Variants in CBL observed in about 807,000 individuals in gnomAD.
CBL encodes the protein E3 ubiquitin-protein ligase CBL.
Under a neutral mutation model 96.9 loss-of-function variants are expected in CBL, and 45 were observed. That is an observed-to-expected ratio of 0.46 (90% confidence interval 0.37 to 0.60). The LOEUF is 0.60. Among genes scored for constraint, CBL ranks in the 20% least tolerant of loss-of-function variants. The pLI, the probability that CBL is intolerant of heterozygous loss-of-function variation, is 0.00. For synonymous variants in CBL, 420 were observed against 426.8 expected, an observed-to-expected ratio of 0.98 and a Z score of 0.20; for missense variants, 1,024 against 1,143.5, an observed-to-expected ratio of 0.90 and a Z score of 1.51.
chr11:119,297,100 C>CAACTTTAACATTTATTAGTGATA, intron 13 of CBL, 66 bp downstream of exon 13: 1 of 856,040 alleles, frequency 1.2e-6, no homozygotes, highest in Non-Finnish European at 2.0e-6. Context: ...CCTTCACCTG[C>CAACTTTAACATTTATTAGTGATA]TTGGCTTGCT....
intron 2 of CBL, among the ~76,000 whole-genome samples, chr11:119,235,767 T>C (rs918248573): frequency 5.3e-5 from 8 of 152,228 alleles, no homozygotes; most frequent in African/African-American, 1.9e-4. Flanking sequence ...TCAGTACATG[T>C]TGACAAGTTC....
intron 2 of CBL, among the ~76,000 whole-genome samples, chr11:119,240,081 C>T (rs1434887102): frequency 6.6e-6 from 1 of 152,014 alleles, no homozygotes; most frequent in African/African-American, 2.4e-5. Context: ...CACTTGAGGT[C>T]AGGAGTTGGA....
chr11:119,272,590 T>C (rs1226768936), intron 3 of CBL, among the ~76,000 whole-genome samples: 1 of 152,226 alleles, frequency 6.6e-6, no homozygotes, highest in Non-Finnish European at 1.5e-5. Flanking sequence ...GTCCAATTTC[T>C]TTCCAAAATG....
chr11:119,211,089 A>G (rs1270514637), intron 1 of CBL, among the ~76,000 whole-genome samples: 1 of 152,166 alleles, frequency 6.6e-6, no homozygotes, highest in African/African-American at 2.4e-5. Flanking sequence ...ATCTTATTGT[A>G]GGCTGGGCGC....
At chr11:119,243,707 A>G (rs1196839080) in intron 2 of CBL, among the ~76,000 whole-genome samples, 1 of 152,100 alleles carries the variant, frequency 6.6e-6, no homozygotes, top group Non-Finnish European at 1.5e-5. Context: ...ATTTTCTACA[A>G]TGAATATGCA....
intron 2 of CBL, among the ~76,000 whole-genome samples, chr11:119,237,698 G>T (rs562158543): frequency 3.9e-5 from 6 of 152,296 alleles, no homozygotes; most frequent in East Asian, 1.9e-4. Flanking sequence ...GACCATAAGT[G>T]TAAGGGTTTA....
chr11:119,238,658 C>A (rs553558006), intron 2 of CBL, among the ~76,000 whole-genome samples: 1 of 152,022 alleles, frequency 6.6e-6, no homozygotes, highest in Non-Finnish European at 1.5e-5. Flanking sequence ...GGTGAAATCC[C>A]GTCTCTACTA....
At chr11:119,210,208 C>T (rs764250548) in intron 1 of CBL, among the ~76,000 whole-genome samples, 14 of 151,808 alleles carry the variant, frequency 9.2e-5, no homozygotes, top group Non-Finnish European at 1.6e-4. Context: ...GGCAACATGA[C>T]GAAACCCTGT....
chr11:119,283,511 G>A (rs894681889), intron 9 of CBL, among the ~76,000 whole-genome samples: 1 of 151,302 alleles, frequency 6.6e-6, no homozygotes, highest in African/African-American at 2.4e-5. Flanking sequence ...CTATTCCTAA[G>A]CCTGCTATAG....
intron 2 of CBL, among the ~76,000 whole-genome samples, chr11:119,270,261 T>C (rs1949833116): frequency 6.9e-6 from 1 of 145,126 alleles, no homozygotes; most frequent in African/African-American, 2.5e-5. Flanking sequence ...TTTTTTTTTT[T>C]TGAGGTGGAG....
chr11:119,279,034 CCAG>C (rs201983763), intron 9 of CBL, among the ~76,000 whole-genome samples: 5,305 of 152,284 alleles, frequency 0.035, 120 homozygotes, highest in South Asian at 0.053. Flanking sequence ...ACCAGGCATT[CCAG>C]CTTAAGGCCC....
In CBL at chr11:119,307,676, AAAG is replaced by A. The variant is rs1256813787; in HGVS notation, c.*7898_*7900del. The A allele has an allele frequency of 1.5e-4, 33 of 226,920 alleles. No individual in the cohort carries two copies. Among genetic ancestry groups the A allele is most frequent in the African/African-American group, 6.4e-4 (29 of 44,986 alleles). The allele number at this position is 226,920 out of a possible 1,614,324, so 14.1% of individuals were successfully genotyped here. A position where few individuals can be genotyped will look rare whatever the true frequency, so the allele number is the denominator to read the frequency against. On this transcript the variant is annotated 3_prime_UTR_variant, in exon 16 of 16. Coordinates refer to ENST00000264033, the MANE Select transcript of CBL (RefSeq NM_005188.4). ...CAGTTTTCCCCTGCCTTTAACTAAT[AAAG>A]AATTGGGAGACAGAAATTTTAAAGT...
intron 8 of CBL, 64 bp downstream of exon 8, chr11:119,278,361 A>G (rs2135304085): frequency 6.3e-7 from 1 of 1,589,122 alleles, no homozygotes; most frequent in Non-Finnish European, 8.6e-7. Flanking sequence ...GGTATTATAT[A>G]GCCTTTACTG....
At chr11:119,209,679 C>G (rs1000554589) in intron 1 of CBL, among the ~76,000 whole-genome samples, 1 of 152,074 alleles carries the variant, frequency 6.6e-6, no homozygotes, top group African/African-American at 2.4e-5. Context: ...AAGTCACCAT[C>G]TCATACCTGC....
chr11:119,230,255 C>T (rs1369634890), intron 1 of CBL, among the ~76,000 whole-genome samples: 4 of 151,646 alleles, frequency 2.6e-5, no homozygotes, highest in Non-Finnish European at 2.9e-5. Flanking sequence ...GGGTTCACAC[C>T]ATTCTCCTGC....
intron 9 of CBL, among the ~76,000 whole-genome samples, chr11:119,282,379 G>A (rs902125483): frequency 6.6e-6 from 1 of 151,920 alleles, no homozygotes; most frequent in Admixed American, 6.6e-5. Flanking sequence ...CCATTATGAT[G>A]TTGAGACATG....
intron 2 of CBL, among the ~76,000 whole-genome samples, chr11:119,238,282 A>G (rs1949560201): frequency 6.8e-6 from 1 of 147,578 alleles, no homozygotes; most frequent in African/African-American, 2.5e-5. Flanking sequence ...GTACAGTGGC[A>G]TGACCTTGGC....
intron 1 of CBL, among the ~76,000 whole-genome samples, chr11:119,208,642 C>T (rs1565852251): frequency 6.6e-6 from 1 of 152,084 alleles, no homozygotes; most frequent in Admixed American, 6.6e-5. Context: ...CCATGCGCCA[C>T]GGCCTCCCAA....
Position 119,271,485 on chromosome 11 carries a change from A to T in CBL, c.444-250A>T, listed in dbSNP as rs1181837230. 2.0e-5 allele frequency among the ~76,000 whole-genome samples: 3 copies of T among 152,358 alleles called. No individual in the cohort carries two copies. In the East Asian group the frequency reaches 5.8e-4, roughly 29 times the overall value. On this transcript the variant is annotated intron_variant, in intron 2 of 15. Coordinates refer to ENST00000264033, the MANE Select transcript of CBL (RefSeq NM_005188.4). ...TCTTTCATATGATCTTACAGCAAAA[A>T]GTTTCTAAAACCCTTCTTTAAATAA... is the stretch of plus-strand genomic sequence containing the variant.
Sources: allele counts gnomAD v4.1 joint callset (sites outside exome capture counted in the v4.1 genomes callset), GRCh38; gene constraint gnomAD v4.1.1; transcripts MANE v1.5; gene names NCBI Gene and HGNC (gene_info 2026-07-23, HGNC 2026-07-21).